The following PFKM variants were observed in gnomAD, a reference collection of about 807,000 sequenced individuals.
The protein encoded by PFKM is phosphofructokinase, muscle.
PFKM carries 58 observed loss-of-function variants against 95.5 expected under a neutral mutation model. That is an observed-to-expected ratio of 0.61 (90% CI 0.49 to 0.76). The LOEUF (loss-of-function observed/expected upper bound fraction) is 0.76. Ranked by LOEUF, PFKM falls within the 30% of genes least tolerant of loss-of-function variation. The pLI is 0.00. For missense variants in PFKM, 678 were observed against 1,005.4 expected (o/e 0.67, Z 4.40); for synonymous variants, 336 against 357.2 (o/e 0.94, Z 0.67).
upstream of PFKM, among the ~76,000 whole-genome samples, chr12:48,118,138 G>C (rs752427905): frequency 2.0e-5 from 3 of 152,184 alleles, no homozygotes; most frequent in African/African-American, 7.2e-5. Flanking sequence ...AAAGGGAGGA[G>C]CATATAATGA....
intron 10 of PFKM, among the ~76,000 whole-genome samples, chr12:48,135,865 C>A (rs1950030568): frequency 6.6e-6 from 1 of 151,920 alleles, no homozygotes; most frequent in Admixed American, 6.6e-5. Context: ...GTACTTTACC[C>A]CCACCCATCC....
intron 1 of PFKM, among the ~76,000 whole-genome samples, chr12:48,107,159 T>A (rs886544783): frequency 6.6e-6 from 1 of 152,172 alleles, no homozygotes; most frequent in Admixed American, 6.5e-5. Flanking sequence ...TTTCTGATAC[T>A]CTCAGCAGCT....
At chr12:48,124,093 G>A (rs553569180) in intron 2 of PFKM, among the ~76,000 whole-genome samples, 4 of 152,136 alleles carry the variant, frequency 2.6e-5, no homozygotes, top group East Asian at 1.9e-4. Flanking sequence ...AAAGTCTGAC[G>A]CAATCTTTGT....
rs562920488 is a variant in PFKM, at chr12:48,140,948, G to A, written c.1341+77G>A. On this transcript the variant is annotated intron_variant, in intron 14 of 22. Transcript: ENST00000359794. ...GCAAGAATGACCTGTCCATTCTCTT[G>A]GCTTCCTCTGTTCCTCACTACCTCT... is the stretch of plus-strand genomic sequence containing the variant. The A allele has an allele frequency of 8.9e-5, 133 of 1,493,034 alleles. No individual in the cohort carries two copies. The African/African-American group carries it at 1.4e-3, about 15-fold the overall frequency. The allele number at this position is 1,493,034 out of a possible 1,614,324, so 92.5% of individuals were successfully genotyped here.
Position 48,131,549 on chromosome 12 carries a change from A to T in PFKM, c.237+156A>T, listed in dbSNP as rs368303643. The T allele has an allele frequency of 6.4e-5, 44 of 692,088 alleles. No homozygotes were observed. The East Asian group carries it at 8.4e-4, about 13-fold the overall frequency. 42.9% of individuals were successfully genotyped at this position (692,088 alleles called of 1,614,324 possible). Reference sequence around the variant, plus strand: ...ACCCTATTTGCCCTTTACTCTTAGCATTTGAAAATACCACCCTGGTTTCCT... The same window carrying T: ...ACCCTATTTGCCCTTTACTCTTAGCTTTTGAAAATACCACCCTGGTTTCCT... On this transcript the variant is annotated intron_variant, in intron 4 of 22. Transcript: ENST00000359794.
intron 2 of PFKM, among the ~76,000 whole-genome samples, chr12:48,127,096 C>G (rs1210836508): frequency 6.6e-6 from 1 of 152,180 alleles, no homozygotes; most frequent in Non-Finnish European, 1.5e-5. Flanking sequence ...CCCAAACTTT[C>G]AGGCCTTACC....
Position 48,142,065 on chromosome 12 carries a change from C to T in PFKM, c.1652C>T (p.Thr551Ile), listed in dbSNP as rs1054655083. ...GACACAGCACTCAATACTATCTGCA[C>T]AGTGAGAGCCTATCACCACTTCCCA... is the stretch of plus-strand genomic sequence containing the variant. ...GADTALNTIC[T>I]TCDRIKQSAA... Residue 551 changes from threonine (T) to isoleucine (I), a missense_variant and splice_region_variant, in exon 17 of 23, where the codon ACA (threonine) becomes ATA (isoleucine). Physicochemically the swap from Thr to Ile is moderately conservative, Grantham distance 89. Transcript: ENST00000359794. 11 of 1,613,856 alleles carry T rather than the reference C, an allele frequency of 6.8e-6. No homozygotes were observed. The highest frequency in any genetic ancestry group is 1.7e-5 in the Admixed American group (1 of 60,014).
Position 48,131,836 on chromosome 12 carries a change from G to A in PFKM, c.237+443G>A, listed in dbSNP as rs1016194744. The stretch of plus-strand genomic sequence containing the variant: ...GAAGGAACTGAGACAGCCTTTCGGA[G>A]TCTCAAAAAAATCCTAAGAGTATCC... On this transcript the variant is annotated intron_variant, in intron 4 of 22. Transcript: ENST00000359794. 148 of 359,812 alleles carry A rather than the reference G, an allele frequency of 4.1e-4. 4 individuals are homozygous for A. Among genetic ancestry groups the A allele is most frequent in the South Asian group, 3.1e-3 (147 of 47,136 alleles). 22.3% of individuals were successfully genotyped at this position (359,812 alleles called of 1,614,324 possible).
At chr12:48,134,609 G>A (rs1949887460) in intron 7 of PFKM, 112 bp from the exon 8 acceptor site, 1 of 846,410 alleles carries the variant, frequency 1.2e-6, no homozygotes, top group Non-Finnish European at 2.0e-6. Context: ...GAATAAAATG[G>A]AGGCTCTCCA....
chr12:48,129,124 G>A (rs900698898), intron 2 of PFKM, among the ~76,000 whole-genome samples: 2 of 151,598 alleles, frequency 1.3e-5, no homozygotes, highest in Non-Finnish European at 2.9e-5. Flanking sequence ...ACTAGGAGAG[G>A]GATAATATCA....
At position 48,135,335 on chromosome 12, in the gene PFKM, G is replaced by A. The variant is rs753083173; in HGVS notation, c.888G>A (p.Leu296=). ...RLGYDTRVTV[L]GHVQRGGTPS... Reference sequence around the variant, plus strand: ...GATATGACACCCGGGTTACTGTCTTGGGGCATGTGCAGAGGGGTGGGACGC... The same window carrying A: ...GATATGACACCCGGGTTACTGTCTTAGGGCATGTGCAGAGGGGTGGGACGC... Residue 296 remains leucine (L), a synonymous_variant, in exon 10 of 23, where the codon TTG becomes TTA. Transcript: ENST00000359794. 13 of 1,614,060 alleles carry A rather than the reference G, an allele frequency of 8.1e-6. No individual in the cohort carries two copies. The Admixed American group carries it at 2.2e-4, about 27-fold the overall frequency.
At chr12:48,113,747 T>C (rs1297381547) in intron 3 of PFKM, among the ~76,000 whole-genome samples, 1 of 152,198 alleles carries the variant, frequency 6.6e-6, no homozygotes, top group Non-Finnish European at 1.5e-5. Flanking sequence ...TACTCTATTA[T>C]TGTACACCTT....
rs1277198603 is a variant in PFKM, at chr12:48,133,396, G to A, written c.509G>A (p.Cys170Tyr). The A allele has an allele frequency of 6.2e-7, 1 of 1,614,024 alleles. No homozygotes were observed. Among genetic ancestry groups the A allele is most frequent in the Non-Finnish European group, 8.5e-7 (1 of 1,179,896 alleles). Residue 170 changes from cysteine to tyrosine, a missense_variant, in exon 6 of 23, where the codon TGT becomes TAT. Coordinates refer to ENST00000359794, the MANE Select transcript of PFKM (RefSeq NM_000289.6). The stretch of plus-strand genomic sequence containing the variant: ...GTTGGGTCAATTGACAATGACTTCT[G>A]TGGCACCGATATGACCATTGGCACT... ...GLVGSIDNDF[C>Y]GTDMTIGTDS...
In PFKM at chr12:48,132,957, G is replaced by A. The variant is rs751902983; in HGVS notation, c.327G>A (p.Gly109=). 5.6e-6 allele frequency: 9 copies of A among 1,613,840 alleles called. No individual in the cohort carries two copies. In the African/African-American group the frequency reaches 1.1e-4, roughly 19 times the overall value. ...CTGCCTACAACCTGGTGAAGCGTGG[G>A]ATCACCAATCTCTGTGTCATTGGGG... ...LRAAYNLVKR[G]ITNLCVIGGD... is the part of the protein sequence containing the mutation. The change falls in exon 5 of 23, where the codon GGG becomes GGA. Residue 109 remains glycine (G), a synonymous_variant. Coordinates refer to ENST00000359794, the MANE Select transcript of PFKM (RefSeq NM_000289.6).
rs578113605 is a variant in PFKM, at chr12:48,131,204, A to C, written c.160-112A>C. ...GTCTCACGAGCATCCAGGACTCACT[A>C]ATGGGAGGAGGTGGCTTGACTCTCA... On this transcript the variant is annotated intron_variant, in intron 3 of 22. Transcript: ENST00000359794. 2.1e-5 allele frequency: 16 copies of C among 778,524 alleles called. No homozygotes were observed. The Admixed American group carries it at 2.7e-4, about 13-fold the overall frequency. The allele number at this position is 778,524 out of a possible 1,614,324, so 48.2% of individuals were successfully genotyped here.
chr12:48,123,045 T>C (rs1401858969), intron 2 of PFKM, among the ~76,000 whole-genome samples, 186 bp downstream of exon 2: 3 of 152,200 alleles, frequency 2.0e-5, no homozygotes, highest in Non-Finnish European at 2.9e-5. Context: ...TTTACCCACA[T>C]CTTCATAAAA....
intron 2 of PFKM, among the ~76,000 whole-genome samples, chr12:48,127,602 T>C (rs1341251041): frequency 6.6e-6 from 1 of 152,208 alleles, no homozygotes; most frequent in Non-Finnish European, 1.5e-5. Context: ...TCCCAAATGC[T>C]ACTCTTCCAG....
At chr12:48,113,460 G>C (rs57956448) in intron 3 of PFKM, among the ~76,000 whole-genome samples, 3 of 152,198 alleles carry the variant, frequency 2.0e-5, no homozygotes, top group Non-Finnish European at 4.4e-5. Flanking sequence ...AGTTCCAGGG[G>C]ATCTGGGAGT....
chr12:48,106,269 C>T (rs1946588198), intron 1 of PFKM: 1 of 604,078 alleles, frequency 1.7e-6, no homozygotes, highest in Non-Finnish European at 3.0e-6. Flanking sequence ...TCTCAGTACC[C>T]TTTTCAGTCT....
Sources: allele counts gnomAD v4.1 joint callset (sites outside exome capture counted in the v4.1 genomes callset), GRCh38; gene constraint gnomAD v4.1.1; transcripts MANE v1.5; gene names NCBI Gene and HGNC (gene_info 2026-07-23, HGNC 2026-07-21).